The following NQO2 variants were observed in gnomAD, a reference collection of about 807,000 sequenced individuals.
The protein encoded by NQO2 is N-ribosyldihydronicotinamide:quinone dehydrogenase 2.
NQO2 carries 18 observed loss-of-function variants against 22.0 expected under a neutral mutation model. That is an observed-to-expected ratio of 0.82 (90% CI 0.56 to 1.21). The LOEUF (loss-of-function observed/expected upper bound fraction) is 1.21, where lower values mean the gene tolerates loss of function less well. Ranked by LOEUF, NQO2 falls within the 50% of genes most tolerant of loss-of-function variation. The pLI, the probability that NQO2 is intolerant of heterozygous loss-of-function variation, is 0.00. For missense variants in NQO2, 267 were observed against 286.9 expected (o/e 0.93, Z 0.50); for synonymous variants, 106 against 110.8 (o/e 0.96, Z 0.28).
At chr6:3,017,031 C>A in intron 6 of NQO2, 46 bp downstream of exon 6, 1 of 1,596,868 alleles carries the variant, frequency 6.3e-7, no homozygotes, top group Non-Finnish European at 8.5e-7. Flanking sequence ...CACACGCACA[C>A]ACAGACACAC....
chr6:3,006,587 CTTT>C lies in NQO2; in HGVS notation c.7+38_7+40del, dbSNP rs371505172. The C allele has an allele frequency of 5.9e-6, 7 of 1,183,518 alleles. No individual in the cohort carries two copies. The Admixed American group carries it at 7.3e-5, about 12-fold the overall frequency. The allele number at this position is 1,183,518 out of a possible 1,614,324, so 73.3% of individuals were successfully genotyped here. ...AATGATTCACTATTGTGGAGTAAGACTTTTTTTTTTTTGAGATGGGATTTTGTT... is the reference window on the plus strand; with the variant it reads ...AATGATTCACTATTGTGGAGTAAGACTTTTTTTTTGAGATGGGATTTTGTT... On this transcript the variant is annotated intron_variant, in intron 2 of 6. Transcript: ENST00000380455. This position sits in a 1 kb window ranked among gnomAD's most constrained non-coding sequence, Gnocchi z 4.0.
At chr6:3,017,597 G>T (rs60086262) in intron 6 of NQO2, among the ~76,000 whole-genome samples, 8,513 of 152,282 alleles carry the variant, frequency 0.056, 381 homozygotes, top group African/African-American at 0.12. Flanking sequence ...GGCCTGAAAT[G>T]TGGCCGAGTA....
intron 3 of NQO2, among the ~76,000 whole-genome samples, 196 bp downstream of exon 3, chr6:3,010,385 C>T (rs1028399193): frequency 1.3e-5 from 2 of 151,602 alleles, no homozygotes; most frequent in African/African-American, 4.9e-5. Context: ...TTCCCAAGAC[C>T]ACACATAAGT....
intron 3 of NQO2, among the ~76,000 whole-genome samples, chr6:3,010,587 G>A (rs997773862): frequency 6.6e-6 from 1 of 152,088 alleles, no homozygotes; most frequent in African/African-American, 2.4e-5. Context: ...AAGGAGACCT[G>A]TTCCTGCCTC....
chr6:3,016,458 T>C (rs1581335116), intron 5 of NQO2, among the ~76,000 whole-genome samples: 1 of 147,488 alleles, frequency 6.8e-6, no homozygotes, highest in Non-Finnish European at 1.5e-5. Context: ...AAAGGAACGA[T>C]TTTTAAATTC....
intron 4 of NQO2, among the ~76,000 whole-genome samples, chr6:3,014,297 C>T (rs1442765544): frequency 6.6e-6 from 1 of 152,200 alleles, no homozygotes; most frequent in Non-Finnish European, 1.5e-5. Flanking sequence ...CTAATCTGAC[C>T]AAAGTGCAGG....
chr6:3,016,832 T>C lies in NQO2; in HGVS notation c.418-52T>C, dbSNP rs532020329. The C allele has an allele frequency of 5.7e-5, 92 of 1,601,434 alleles. No individual in the cohort carries two copies. The East Asian group carries it at 2.1e-3, about 36-fold the overall frequency. ...CCCGTGTGCTGGAGGCTCAGCAACATTTCTGTCCTCTTCTGGAGTCCACAC... is the reference window on the plus strand; with the variant it reads ...CCCGTGTGCTGGAGGCTCAGCAACACTTCTGTCCTCTTCTGGAGTCCACAC... On this transcript the variant is annotated intron_variant, in intron 5 of 6. Transcript: ENST00000380455.
At chr6:3,002,597 A>G (rs1449709159) in intron 1 of NQO2, among the ~76,000 whole-genome samples, 1 of 151,956 alleles carries the variant, frequency 6.6e-6, no homozygotes, top group Non-Finnish European at 1.5e-5. Flanking sequence ...GGTGTGAGCC[A>G]CCACAACTGG....
Position 3,006,982 on chromosome 6 carries a change from A to T in NQO2, c.7+423A>T. On this transcript the variant is annotated intron_variant, in intron 2 of 6. Transcript: ENST00000380455. This position sits in a 1 kb window ranked among gnomAD's most constrained non-coding sequence, Gnocchi z 4.0. ...ATCTTTGCTTTTGCAACTGCTTATC[A>T]TGCACATATACATGAACATGCAATC... 2.5e-6 allele frequency: 1 copy of T among 403,656 alleles called. No individual in the cohort carries two copies. The highest frequency in any genetic ancestry group is 4.4e-6 in the Non-Finnish European group (1 of 229,152). 25.0% of individuals were successfully genotyped at this position (403,656 alleles called of 1,614,324 possible). A position where few individuals can be genotyped will look rare whatever the true frequency, so the allele number is the denominator to read the frequency against.
Position 3,010,141 on chromosome 6 carries a change from T to C in NQO2, c.124T>C (p.Leu42=), listed in dbSNP as rs757108525. 7 of 1,613,856 alleles carry C rather than the reference T, an allele frequency of 4.3e-6. No homozygotes were observed. The highest frequency in any genetic ancestry group is 1.6e-4 in the Middle Eastern group (1 of 6,084). The change falls in exon 3 of 7, where the codon TTG becomes CTG. Residue 42 remains leucine, a synonymous_variant. Transcript: ENST00000380455. ...GGGCTGCACCGTCACAGTGTCTGATTTGTATGCCATGAACCTTGAGCCGAG... is the reference window on the plus strand; with the variant it reads ...GGGCTGCACCGTCACAGTGTCTGATCTGTATGCCATGAACCTTGAGCCGAG... ...RQGCTVTVSD[L]YAMNLEPRAT...
rs1186413675 is a variant in NQO2 at position 3,005,385 on chromosome 6, C to T, written c.-85-1083C>T. On this transcript the variant is annotated intron_variant, in intron 1 of 6. Coordinates refer to ENST00000380455, the MANE Select transcript of NQO2 (RefSeq NM_000904.6). ...CCAGCGGTGCACGGGGTTCCAACTT[C>T]TCCGCATCCTCACCTACGTGTGTTT... Among the ~76,000 whole-genome samples, 11 of 152,200 alleles carry T rather than the reference C, an allele frequency of 7.2e-5. 1 individual carries two copies. Among genetic ancestry groups the T allele is most frequent in the Admixed American group, 7.2e-4 (11 of 15,282 alleles).
At chr6:3,019,428 A>T (rs939657940) in intron 6 of NQO2, 51 bp from the exon 7 acceptor site, 1 of 1,561,880 alleles carries the variant, frequency 6.4e-7, no homozygotes, top group Non-Finnish European at 8.7e-7. Context: ...ACTGAATGGT[A>T]TGTAACAGGT....
At chr6:3,008,653 G>C (rs1309012594) in intron 2 of NQO2, among the ~76,000 whole-genome samples, 1 of 152,140 alleles carries the variant, frequency 6.6e-6, no homozygotes, top group East Asian at 1.9e-4. Flanking sequence ...GCCAGATATT[G>C]GGCGAAATTC....
At chr6:3,016,744 A>G (rs1241798010) in intron 5 of NQO2, 140 bp from the exon 6 acceptor site, 4 of 1,469,154 alleles carry the variant, frequency 2.7e-6, no homozygotes, top group Non-Finnish European at 3.6e-6. Flanking sequence ...TATGGATGGG[A>G]GTGTTGCATT....
intron 2 of NQO2, among the ~76,000 whole-genome samples, chr6:3,008,005 A>T (rs1455907055): frequency 6.6e-6 from 1 of 152,214 alleles, no homozygotes; most frequent in Non-Finnish European, 1.5e-5. Context: ...CTTTTAAAAG[A>T]TTTAGTGGTG....
intron 4 of NQO2, among the ~76,000 whole-genome samples, chr6:3,013,725 G>C (rs1484600875): frequency 3.3e-5 from 5 of 152,190 alleles, no homozygotes. Context: ...AGGAAGATGT[G>C]CAGGCATGGC....
In NQO2 at chr6:3,016,878, T is replaced by A; in HGVS notation, c.418-6T>A. 1 of 1,613,324 alleles carries A rather than the reference T, an allele frequency of 6.2e-7. No homozygotes were observed. Among genetic ancestry groups the A allele is most frequent in the Non-Finnish European group, 8.5e-7 (1 of 1,179,952 alleles). ...CACACAAATGCATCTGCTTTCTCCC[T>A]TGCAGGGTAAACTAGCGCTCCTTTC... On this transcript the variant is annotated splice_polypyrimidine_tract_variant and splice_region_variant and intron_variant, in intron 5 of 6. Coordinates refer to ENST00000380455, the MANE Select transcript of NQO2 (RefSeq NM_000904.6).
intron 3 of NQO2, among the ~76,000 whole-genome samples, chr6:3,010,766 G>C (rs1340754688): frequency 2.0e-5 from 3 of 152,156 alleles, no homozygotes. Context: ...CACACTGTAG[G>C]AGGTACATTC....
intron 1 of NQO2, among the ~76,000 whole-genome samples, chr6:3,002,500 G>A (rs1054606424): frequency 2.6e-5 from 4 of 152,100 alleles, no homozygotes; most frequent in Non-Finnish European, 4.4e-5. Flanking sequence ...AGTAGAGATG[G>A]TGTTTTGCCA....
Sources: allele counts gnomAD v4.1 joint callset (sites outside exome capture counted in the v4.1 genomes callset), GRCh38; gene constraint gnomAD v4.1.1; non-coding constraint Gnocchi (gnomAD v3.1); transcripts MANE v1.5; gene names NCBI Gene and HGNC (gene_info 2026-07-23, HGNC 2026-07-21).